PTPRT: variants seen among roughly 807,000 people sequenced by gnomAD.
PTPRT encodes the protein protein tyrosine phosphatase receptor type T, also known as receptor-type tyrosine-protein phosphatase T.
In PTPRT, 56 loss-of-function variants were observed where a neutral mutation model predicts 176.8. The ratio of observed to expected loss-of-function variants is 0.32; its 90% CI spans 0.26 to 0.40. The LOEUF (loss-of-function observed/expected upper bound fraction) is 0.40. Among genes scored for constraint, PTPRT ranks in the 10% least tolerant of loss-of-function variants. The pLI, the probability that PTPRT is intolerant of heterozygous loss-of-function variation, is 1.00. For missense variants in PTPRT, 1,540 were observed against 1,908.2 expected (o/e 0.81, Z 3.60); for synonymous variants, 783 against 739.0 (o/e 1.06, Z -0.96).
rs1250303064 is a variant in PTPRT, at chr20:42,963,220, T to C, written c.89-77288A>G. On this transcript the variant is annotated intron_variant, in intron 1 of 30. Transcript: ENST00000373187. ...TCTCAAAAAAAAATAAAAATAAAAA[T>C]AAAAACAGTACAAAAATTAACCAGA... is the stretch of plus-strand genomic sequence containing the variant. Among the ~76,000 whole-genome samples, 10 of 150,318 alleles carry C rather than the reference T, an allele frequency of 6.7e-5. No individual in the cohort carries two copies. The East Asian group carries it at 2.0e-3, about 30-fold the overall frequency.
At chr20:42,171,708 T>C (rs1425051004) in intron 16 of PTPRT, among the ~76,000 whole-genome samples, 1 of 152,142 alleles carries the variant, frequency 6.6e-6, no homozygotes, top group Non-Finnish European at 1.5e-5. Context: ...TGACTTCTAG[T>C]ACAAGTGCAT....
intron 7 of PTPRT, among the ~76,000 whole-genome samples, chr20:42,670,700 A>G (rs1381720558): frequency 1.3e-5 from 2 of 152,198 alleles, no homozygotes; most frequent in Non-Finnish European, 2.9e-5. Flanking sequence ...CAAGACTACA[A>G]TGAAGTGGGT....
At chr20:42,892,198 C>T (rs2145888875) in intron 1 of PTPRT, among the ~76,000 whole-genome samples, 1 of 152,324 alleles carries the variant, frequency 6.6e-6, no homozygotes, top group Non-Finnish European at 1.5e-5. Context: ...GCAACACCTC[C>T]TTTTATTCAC....
intron 1 of PTPRT, among the ~76,000 whole-genome samples, chr20:42,909,823 C>T (rs955224635): frequency 6.6e-6 from 1 of 152,172 alleles, no homozygotes; most frequent in Non-Finnish European, 1.5e-5. Flanking sequence ...TGGATTTCAC[C>T]TTGGGGAGAA....
At chr20:43,010,679 T>C (rs531655521) in intron 1 of PTPRT, among the ~76,000 whole-genome samples, 1 of 150,894 alleles carries the variant, frequency 6.6e-6, no homozygotes, top group East Asian at 1.9e-4. Context: ...TGTTTTAAAA[T>C]ACCTTGCATC....
intron 1 of PTPRT, among the ~76,000 whole-genome samples, chr20:42,911,919 C>T (rs180849239): frequency 2.0e-5 from 3 of 150,664 alleles, no homozygotes; most frequent in African/African-American, 7.3e-5. Flanking sequence ...TTCTAAAACC[C>T]AATTTTAATG....
chr20:42,739,653 C>T lies in PTPRT; in HGVS notation c.859+16809G>A, dbSNP rs140178564. 3.8e-3 allele frequency among the ~76,000 whole-genome samples: 577 copies of T among 152,294 alleles called. 2 individuals carry two copies. Among genetic ancestry groups the T allele is most frequent in the Admixed American group, 6.8e-3 (104 of 15,302 alleles). On this transcript the variant is annotated intron_variant, in intron 6 of 30. Coordinates refer to ENST00000373187, the MANE Select transcript of PTPRT (RefSeq NM_007050.6). ...TCTGAAATAGACATAGATAACACAA[C>T]TTAGTTCTGAACATATTTAGTTCTA...
At chr20:42,860,263 T>G (rs1406530508) in intron 2 of PTPRT, among the ~76,000 whole-genome samples, 1 of 152,244 alleles carries the variant, frequency 6.6e-6, no homozygotes, top group African/African-American at 2.4e-5. Flanking sequence ...TACTTTATTC[T>G]GTTAATCTAT....
chr20:42,846,491 T>A (rs1351681921), intron 2 of PTPRT, among the ~76,000 whole-genome samples: 1 of 152,192 alleles, frequency 6.6e-6, no homozygotes, highest in Non-Finnish European at 1.5e-5. Flanking sequence ...TCACCCTTCA[T>A]AAGCAAACTA....
intron 9 of PTPRT, among the ~76,000 whole-genome samples, chr20:42,396,400 A>G (rs1363299695): frequency 2.6e-5 from 4 of 152,052 alleles, no homozygotes; most frequent in Non-Finnish European, 1.5e-5. Context: ...CAGCCTCTCT[A>G]CTTCTATCCT....
Position 43,091,493 on chromosome 20 carries a change from T to A in PTPRT, c.88+98153A>T, listed in dbSNP as rs202084462. On this transcript the variant is annotated intron_variant, in intron 1 of 30. Coordinates refer to ENST00000373187, the MANE Select transcript of PTPRT (RefSeq NM_007050.6). The stretch of plus-strand genomic sequence containing the variant: ...TCTTTCTCTCTCTCTCTCTCTCTAT[T>A]TCTCTCTCTCTCTCTCCCCCCTCTC... Among the ~76,000 whole-genome samples, 109 of 123,418 alleles carry A rather than the reference T, an allele frequency of 8.8e-4. 2 individuals are homozygous for A. The highest frequency in any genetic ancestry group is 9.7e-4 in the Non-Finnish European group (56 of 57,552). The allele number at this position is 123,418 out of a possible 152,430, so 81.0% of individuals were successfully genotyped here. A position where few individuals can be genotyped will look rare whatever the true frequency, so the allele number is the denominator to read the frequency against.
Position 43,002,367 on chromosome 20 carries a change from G to A in PTPRT, c.89-116435C>T, listed in dbSNP as rs112062161. On this transcript the variant is annotated intron_variant, in intron 1 of 30. Coordinates refer to ENST00000373187, the MANE Select transcript of PTPRT (RefSeq NM_007050.6). ...AATCAGAAAGATAATAAGTATTAAC[G>A]TAGGGGATCTGATTAATATTATTAA... Among the ~76,000 whole-genome samples the A allele has an allele frequency of 3.0e-4, 46 of 152,224 alleles. No homozygotes were observed. In the East Asian group the frequency reaches 4.2e-3, roughly 14 times the overall value.
rs141456225 is a variant in PTPRT at position 42,924,890 on chromosome 20, G to C, written c.89-38958C>G. 2.5e-3 allele frequency among the ~76,000 whole-genome samples: 381 copies of C among 152,316 alleles called. 1 individual carries two copies. The highest frequency in any genetic ancestry group is 8.7e-3 in the African/African-American group (361 of 41,558). ...CTTGTTAAACGCAGATTCTTGGGCT[G>C]TGCTCCAGGGACTCTGATTCAATAG... On this transcript the variant is annotated intron_variant, in intron 1 of 30. Coordinates refer to ENST00000373187, the MANE Select transcript of PTPRT (RefSeq NM_007050.6).
intron 7 of PTPRT, among the ~76,000 whole-genome samples, chr20:42,629,906 C>A (rs1468281826): frequency 6.6e-6 from 1 of 152,136 alleles, no homozygotes; most frequent in African/African-American, 2.4e-5. Flanking sequence ...CGTTAGAGTC[C>A]ACAACTGCTA....
At chr20:42,049,525 C>A in the PTPRT span, among the ~76,000 whole-genome samples, 2 of 152,186 alleles carry the variant, frequency 1.3e-5, no homozygotes, top group African/African-American at 4.8e-5. Context: ...CTATAAAATG[C>A]AACTTTGAAA....
At chr20:42,302,583 C>T (rs2057485846) in intron 12 of PTPRT, among the ~76,000 whole-genome samples, 2 of 152,208 alleles carry the variant, frequency 1.3e-5, no homozygotes, top group Admixed American at 1.3e-4. Context: ...GCTGAACACA[C>T]CAGGTATTCT....
At chr20:42,974,968 G>A (rs185192819) in intron 1 of PTPRT, among the ~76,000 whole-genome samples, 402 of 152,108 alleles carry the variant, frequency 2.6e-3, no homozygotes, top group African/African-American at 8.9e-3. Context: ...ACAACATAAC[G>A]TTTTAAAAAA....
At chr20:42,435,858 C>A (rs2059257698) in intron 9 of PTPRT, among the ~76,000 whole-genome samples, 1 of 152,050 alleles carries the variant, frequency 6.6e-6, no homozygotes. Flanking sequence ...TCTTCTCTAC[C>A]AGAGATCAGG....
chr20:43,000,075 G>C (rs868183157), intron 1 of PTPRT, among the ~76,000 whole-genome samples: 1 of 134,096 alleles, frequency 7.5e-6, no homozygotes, highest in Non-Finnish European at 1.6e-5. Context: ...GGGAGGGAGG[G>C]AGGGAGGGAG....
Sources: gnomAD v4.1 joint callset for allele counts (sites outside exome capture counted in the v4.1 genomes callset) on GRCh38, gnomAD v4.1.1 for gene constraint, MANE v1.5 for transcripts, NCBI Gene and HGNC (gene_info 2026-07-23, HGNC 2026-07-21) for gene names.